LUZP2: variants seen among roughly 807,000 people sequenced by gnomAD.
LUZP2 encodes the protein leucine zipper protein 2.
A neutral mutation model predicts 51.6 loss-of-function variants in LUZP2; 52 were observed. The observed-to-expected ratio is 1.01, with a 90% confidence interval of 0.81 to 1.27. The LOEUF is 1.27. LUZP2 is among the 50% of genes most tolerant of loss of function. The pLI, the probability that LUZP2 is intolerant of heterozygous loss-of-function variation, is 0.00. For missense variants in LUZP2, 436 were observed against 395.4 expected (o/e 1.10, Z -0.87); for synonymous variants, 154 against 137.3 (o/e 1.12, Z -0.85).
At position 24,861,561 on chromosome 11, in the gene LUZP2, C is replaced by T. The variant is rs74564509; in HGVS notation, c.397-44430C>T. On this transcript the variant is annotated intron_variant, in intron 5 of 11. Coordinates refer to ENST00000336930, the MANE Select transcript of LUZP2 (RefSeq NM_001009909.4). ...CCCCAAGACACATAATTGCCGGGTC[C>T]GTCCCACACACCCGGGCTGAGCAAC... Among the ~76,000 whole-genome samples the T allele has an allele frequency of 2.8e-3, 422 of 152,114 alleles. 1 individual carries two copies. Among genetic ancestry groups the T allele is most frequent in the African/African-American group, 9.7e-3 (402 of 41,492 alleles).
At chr11:24,566,886 ATACATAT>A (rs1852252283) in intron 1 of LUZP2, among the ~76,000 whole-genome samples, 1 of 114,502 alleles carries the variant, frequency 8.7e-6, no homozygotes, top group Non-Finnish European at 1.8e-5. Context: ...TATAACATAT[ATACATAT>A]TTATATATGT....
At chr11:24,899,931 C>T (rs1004993830) in intron 5 of LUZP2, among the ~76,000 whole-genome samples, 5 of 152,238 alleles carry the variant, frequency 3.3e-5, no homozygotes, top group Middle Eastern at 3.4e-3. Flanking sequence ...ATTCTAATGA[C>T]TTTCAAGTTC....
intron 1 of LUZP2, among the ~76,000 whole-genome samples, chr11:24,579,452 T>C (rs1210810701): frequency 6.6e-6 from 1 of 152,118 alleles, no homozygotes; most frequent in African/African-American, 2.4e-5. Flanking sequence ...CATTCTTCTA[T>C]TTTTATAGAG....
rs10625331 is a variant in LUZP2, at chr11:24,826,175, CA to C, written c.396+62883del. On this transcript the variant is annotated intron_variant, in intron 5 of 11. Coordinates refer to ENST00000336930, the MANE Select transcript of LUZP2 (RefSeq NM_001009909.4). ...TAGGCGACAGAGCGAGACTCCATCT[CA>C]AAAAAAAAAAAAAAATATATATATA... Among the ~76,000 whole-genome samples, 87 of 60,110 alleles carry C rather than the reference CA, an allele frequency of 1.4e-3. 1 individual carries two copies. Among genetic ancestry groups the C allele is most frequent in the African/African-American group, 4.4e-3 (83 of 18,730 alleles). 39.4% of individuals were successfully genotyped at this position (60,110 alleles called of 152,430 possible).
At chr11:25,045,031 G>A (rs1858252394) in intron 9 of LUZP2, among the ~76,000 whole-genome samples, 1 of 109,046 alleles carries the variant, frequency 9.2e-6, no homozygotes, top group South Asian at 3.7e-4. Flanking sequence ...GACACAGGAA[G>A]GGGAACATCA....
chr11:24,850,216 G>A (rs1191179097), intron 5 of LUZP2, among the ~76,000 whole-genome samples: 3 of 152,070 alleles, frequency 2.0e-5, no homozygotes, highest in African/African-American at 7.2e-5. Context: ...TGTCCTGAAT[G>A]GTATTGCCTA....
chr11:24,861,356 T>A (rs927337573), intron 5 of LUZP2, among the ~76,000 whole-genome samples: 5 of 151,944 alleles, frequency 3.3e-5, no homozygotes, highest in Non-Finnish European at 5.9e-5. Flanking sequence ...ATGGGGAGAA[T>A]GTAAACAAGC....
At chr11:24,958,465 A>T (rs1453895419) in intron 7 of LUZP2, among the ~76,000 whole-genome samples, 3 of 151,950 alleles carry the variant, frequency 2.0e-5, no homozygotes, top group Non-Finnish European at 4.4e-5. Flanking sequence ...TGAGATGATA[A>T]CTCATTGTGG....
intron 5 of LUZP2, among the ~76,000 whole-genome samples, chr11:24,867,610 T>C (rs933832158): frequency 6.6e-6 from 1 of 152,154 alleles, no homozygotes; most frequent in African/African-American, 2.4e-5. Flanking sequence ...ATGCTTTTGT[T>C]ATTTTCAGAC....
At chr11:24,870,278 A>G (rs1852020042) in intron 5 of LUZP2, among the ~76,000 whole-genome samples, 1 of 152,160 alleles carries the variant, frequency 6.6e-6, no homozygotes, top group African/African-American at 2.4e-5. Flanking sequence ...TAAGCCTCTC[A>G]ATCATACAAT....
At chr11:24,819,982 C>T (rs188665647) in intron 5 of LUZP2, among the ~76,000 whole-genome samples, 24 of 152,102 alleles carry the variant, frequency 1.6e-4, no homozygotes, top group Middle Eastern at 3.4e-3. Flanking sequence ...GAGAGGAAAG[C>T]TATATGAAGG....
intron 10 of LUZP2, among the ~76,000 whole-genome samples, chr11:25,066,673 A>G (rs1042429933): frequency 4.6e-5 from 7 of 151,932 alleles, no homozygotes; most frequent in African/African-American, 1.7e-4. Flanking sequence ...GTGAGTTAGC[A>G]TGATAAAATC....
intron 1 of LUZP2, among the ~76,000 whole-genome samples, chr11:24,709,730 C>G (rs1164108106): frequency 1.3e-5 from 2 of 152,158 alleles, no homozygotes; most frequent in African/African-American, 4.8e-5. Flanking sequence ...ATACAGCCTT[C>G]CATTGCACCT....
At chr11:24,678,613 A>G (rs1364680662) in intron 1 of LUZP2, among the ~76,000 whole-genome samples, 1 of 152,192 alleles carries the variant, frequency 6.6e-6, no homozygotes, top group Non-Finnish European at 1.5e-5. Flanking sequence ...GCAGCCTTCA[A>G]TTTTAGACAT....
chr11:25,020,667 G>A (rs1460773741), intron 9 of LUZP2, among the ~76,000 whole-genome samples: 2 of 151,788 alleles, frequency 1.3e-5, no homozygotes, highest in Non-Finnish European at 2.9e-5. Flanking sequence ...TTTCTTTCCT[G>A]CTACTCTAGC....
intron 1 of LUZP2, among the ~76,000 whole-genome samples, chr11:24,560,009 G>T (rs1253138004): frequency 6.6e-6 from 1 of 152,102 alleles, no homozygotes; most frequent in Non-Finnish European, 1.5e-5. Flanking sequence ...AGCATTAAGA[G>T]AAATACCTAA....
In LUZP2 at chr11:24,642,109, C is replaced by T. The variant is rs775688234; in HGVS notation, c.63-87060C>T. On this transcript the variant is annotated intron_variant, in intron 1 of 11. Transcript: ENST00000336930. ...TTCACTATGTTGGTCAGGATGGTCT[C>T]GATCTCTTGACCTCATGATCCACCA... Among the ~76,000 whole-genome samples the T allele has an allele frequency of 1.1e-4, 16 of 151,616 alleles. 1 individual carries two copies. The highest frequency in any genetic ancestry group is 1.5e-4 in the Non-Finnish European group (10 of 67,992).
At chr11:24,826,918 A>G (rs565675377) in intron 5 of LUZP2, among the ~76,000 whole-genome samples, 4 of 66,252 alleles carry the variant, frequency 6.0e-5, no homozygotes, top group African/African-American at 1.5e-4. Context: ...TGGTGTTTAA[A>G]TGAGGAGTTA....
At chr11:24,847,349 G>T (rs888822513) in intron 5 of LUZP2, among the ~76,000 whole-genome samples, 4 of 152,050 alleles carry the variant, frequency 2.6e-5, no homozygotes, top group Non-Finnish European at 5.9e-5. Context: ...TCGGTACTGA[G>T]TGATTCCTCA....
Sources: gnomAD v4.1 joint callset for allele counts (sites outside exome capture counted in the v4.1 genomes callset) on GRCh38, gnomAD v4.1.1 for gene constraint, MANE v1.5 for transcripts, NCBI Gene and HGNC (gene_info 2026-07-23, HGNC 2026-07-21) for gene names.